Variants in ADPGK observed in about 807,000 individuals in gnomAD.
The protein encoded by ADPGK is ADP-dependent glucokinase.
In ADPGK, 26 loss-of-function variants were observed where a neutral mutation model predicts 42.4. The observed-to-expected ratio is 0.61, with a 90% CI of 0.45 to 0.85. The LOEUF (loss-of-function observed/expected upper bound fraction) is 0.85. Ranked by LOEUF, ADPGK falls within the 40% of genes least tolerant of loss-of-function variation. The probability of loss-of-function intolerance (pLI) is 0.00; values close to 1 mark genes in which losing one functional copy is unlikely to be tolerated. For missense variants in ADPGK, 571 were observed against 627.0 expected (o/e 0.91, Z 0.95); for synonymous variants, 267 against 252.6 (o/e 1.06, Z -0.54).
chr15:72,774,841 C>T, intron 2 of ADPGK, 31 bp downstream of exon 2: 1 of 1,573,228 alleles, frequency 6.4e-7, no homozygotes, highest in African/African-American at 1.4e-5. Context: ...CTTTTTCCAC[C>T]CTTAATTTAC....
In ADPGK at chr15:72,775,035, C is replaced by A; in HGVS notation, c.296G>T (p.Ser99Ile). Residue 99 changes from serine to isoleucine, a missense_variant, in exon 2 of 7, where the codon AGT (serine) becomes ATT (isoleucine). Ser to Ile is a moderately radical substitution (Grantham distance 142, BLOSUM62 -2). Transcript: ENST00000456471. ...GCTGTGATCTTTCCCATTCCCAGGA[C>A]TAAGGCCAAGTGCCTGCAAGAGCTT... ...GVKLLQALGLSPGNGKDHSIL... is the reference protein window; with the variant it reads ...GVKLLQALGLIPGNGKDHSIL... The A allele has an allele frequency of 6.2e-7, 1 of 1,614,160 alleles. No homozygotes were observed. The highest frequency in any genetic ancestry group is 8.5e-7 in the Non-Finnish European group (1 of 1,180,034).
chr15:72,765,713 T>C (rs919894800), intron 3 of ADPGK, among the ~76,000 whole-genome samples: 6 of 152,202 alleles, frequency 3.9e-5, no homozygotes, highest in Non-Finnish European at 8.8e-5. Context: ...TAACTGCAGA[T>C]GTGGTGAAAA....
chr15:72,780,541 T>C (rs891220020), intron 1 of ADPGK, among the ~76,000 whole-genome samples: 2 of 152,200 alleles, frequency 1.3e-5, no homozygotes, highest in African/African-American at 4.8e-5. Context: ...ACAGCTGTAA[T>C]TCCAGCACTT....
chr15:72,765,603 T>C (rs1312923228), intron 3 of ADPGK, among the ~76,000 whole-genome samples: 1 of 152,262 alleles, frequency 6.6e-6, no homozygotes, highest in African/African-American at 2.4e-5. Flanking sequence ...TTATGATTTA[T>C]AGGAGGAAGT....
In ADPGK at chr15:72,755,634, G is replaced by C; in HGVS notation, c.861C>G (p.Asp287Glu). The change falls in exon 6 of 7, where the codon GAC becomes GAG. Residue 287 changes from aspartate to glutamate, a missense_variant. Asp to Glu is a conservative substitution (Grantham distance 45). Transcript: ENST00000456471. ...GGTGAACTGGAATACCAGTGGGGATGTCAGAAATGGAGGTTACAACCTGCA... is the reference window on the plus strand; with the variant it reads ...GGTGAACTGGAATACCAGTGGGGATCTCAGAAATGGAGGTTACAACCTGCA... ...RLLEVVTSIS[D>E]IPTGIPVHLE... The C allele has an allele frequency of 6.2e-7, 1 of 1,613,850 alleles. No individual in the cohort carries two copies. The highest frequency in any genetic ancestry group is 1.1e-5 in the South Asian group (1 of 91,084).
chr15:72,767,832 G>A (rs1475041064), intron 3 of ADPGK, among the ~76,000 whole-genome samples: 2 of 152,096 alleles, frequency 1.3e-5, no homozygotes, highest in Non-Finnish European at 1.5e-5. Context: ...GAAATTTATA[G>A]CACTAAACCC....
intron 2 of ADPGK, among the ~76,000 whole-genome samples, chr15:72,774,372 G>T (rs1021821344): frequency 6.6e-6 from 1 of 152,140 alleles, no homozygotes; most frequent in African/African-American, 2.4e-5. Context: ...GTAGGAGCAG[G>T]CATACTGGGG....
In ADPGK at chr15:72,752,551, C is replaced by T; in HGVS notation, c.1284G>A (p.Arg428=). The stretch of plus-strand genomic sequence containing the variant: ...GGGAAGTCATGAACTCTTGGGGTGC[C>T]CTCAGAGACACTCGGCTGGTGTCTA... The part of the protein sequence containing the change: ...ETIDTSRVSL[R]APQEFMTSHS... The change falls in exon 7 of 7, where the codon AGG becomes AGA. Residue 428 remains arginine, a synonymous_variant. Coordinates refer to ENST00000456471, the MANE Select transcript of ADPGK (RefSeq NM_001365225.1). 1 of 1,614,176 alleles carries T rather than the reference C, an allele frequency of 6.2e-7. No homozygotes were observed. The highest frequency in any genetic ancestry group is 8.5e-7 in the Non-Finnish European group (1 of 1,180,032).
At chr15:72,772,308 C>T (rs920938341) in intron 2 of ADPGK, among the ~76,000 whole-genome samples, 1 of 152,234 alleles carries the variant, frequency 6.6e-6, no homozygotes, top group African/African-American at 2.4e-5. Flanking sequence ...CCTTCATCTC[C>T]TGCCCTTCCC....
chr15:72,778,939 G>T (rs2066422836), intron 1 of ADPGK, among the ~76,000 whole-genome samples: 1 of 152,150 alleles, frequency 6.6e-6, no homozygotes, highest in African/African-American at 2.4e-5. Flanking sequence ...TTTGCAAAAT[G>T]CGGTAAGATC....
intron 1 of ADPGK, among the ~76,000 whole-genome samples, chr15:72,778,676 T>C (rs1384216954): frequency 2.0e-5 from 3 of 152,226 alleles, no homozygotes; most frequent in Non-Finnish European, 4.4e-5. Context: ...CGATGTTTCC[T>C]ATCTCCTCCC....
At chr15:72,757,883 G>T in intron 4 of ADPGK, 1 of 550,738 alleles carries the variant, frequency 1.8e-6, no homozygotes, top group Admixed American at 3.2e-5. Flanking sequence ...AAAATACACT[G>T]ATTTCTTCAG....
chr15:72,761,253 GCAAA>G (rs1249764080), intron 3 of ADPGK, among the ~76,000 whole-genome samples: 6 of 152,182 alleles, frequency 3.9e-5, no homozygotes, highest in Non-Finnish European at 5.9e-5. Context: ...CCTTGTGCAG[GCAAA>G]CAGACATGGG....
intron 4 of ADPGK, among the ~76,000 whole-genome samples, chr15:72,759,411 C>T (rs1304380896): frequency 6.6e-6 from 1 of 152,214 alleles, no homozygotes; most frequent in Non-Finnish European, 1.5e-5. Context: ...TACGTCAACG[C>T]TGTGTCCCTA....
chr15:72,754,981 T>G (rs2066093406), intron 6 of ADPGK, among the ~76,000 whole-genome samples: 1 of 152,212 alleles, frequency 6.6e-6, no homozygotes, highest in African/African-American at 2.4e-5. Flanking sequence ...TCATAGTTTT[T>G]GGGTATTTTT....
At position 72,755,594 on chromosome 15, in the gene ADPGK, T is replaced by C. The variant is rs2066101247; in HGVS notation, c.901A>G (p.Met301Val). The C allele has an allele frequency of 6.2e-6, 10 of 1,614,008 alleles. No homozygotes were observed. The highest frequency in any genetic ancestry group is 8.5e-6 in the Non-Finnish European group (10 of 1,180,000). ...CTGCTCATGAGCTCCCTGTTAGTCA[T>C]ACTGGCCAGCTCTAGGTGAACTGGA... Reference protein sequence around the residue: ...GIPVHLELASMTNRELMSSIV... With the variant: ...GIPVHLELASVTNRELMSSIV... Residue 301 changes from methionine (M) to valine (V), a missense_variant, in exon 6 of 7, where the codon ATG becomes GTG. This residue lies in a region of ADPGK where 434 missense variants were observed against 522.7 expected (regional missense o/e 0.83). Coordinates refer to ENST00000456471, the MANE Select transcript of ADPGK (RefSeq NM_001365225.1).
chr15:72,754,614 G>A (rs533579079), intron 6 of ADPGK, among the ~76,000 whole-genome samples: 1 of 152,182 alleles, frequency 6.6e-6, no homozygotes, highest in Admixed American at 6.5e-5. Context: ...AGCACTGTGT[G>A]TAACAGCAAA....
At chr15:72,762,959 A>T (rs1397758448) in intron 3 of ADPGK, among the ~76,000 whole-genome samples, 1 of 152,156 alleles carries the variant, frequency 6.6e-6, no homozygotes, top group African/African-American at 2.4e-5. Flanking sequence ...TGGGCGACAA[A>T]GTGAGATTCT....
intron 4 of ADPGK, among the ~76,000 whole-genome samples, chr15:72,759,786 T>C (rs905321147): frequency 6.6e-6 from 1 of 152,220 alleles, no homozygotes; most frequent in African/African-American, 2.4e-5. Flanking sequence ...GTATTTAATA[T>C]TCTCTCAGAA....
Sources: allele counts gnomAD v4.1 joint callset (sites outside exome capture counted in the v4.1 genomes callset), GRCh38; gene constraint gnomAD v4.1.1; regional missense constraint gnomAD v4.1.1; transcripts MANE v1.5; gene names NCBI Gene and HGNC (gene_info 2026-07-23, HGNC 2026-07-21).